Variants in PDCL3 observed in about 807,000 individuals in gnomAD.
PDCL3 encodes the protein phosducin-like protein 3.
PDCL3 carries 22 observed loss-of-function variants against 26.5 expected under a neutral mutation model. That is an observed-to-expected ratio of 0.83 (90% CI 0.59 to 1.19). PDCL3 has a LOEUF of 1.19. Ranked by LOEUF, PDCL3 falls within the 50% of genes most tolerant of loss-of-function variation. PDCL3 has a pLI of 0.00. For synonymous variants in PDCL3, 81 were observed against 104.9 expected (o/e 0.77, Z 1.39); for missense variants, 246 against 294.1 (o/e 0.84, Z 1.20).
chr2:100,572,888 ATTGT>A (rs992144637), intron 5 of PDCL3, among the ~76,000 whole-genome samples: 14 of 150,656 alleles, frequency 9.3e-5, no homozygotes, highest in Admixed American at 6.0e-4. Flanking sequence ...TTTTTGTTTG[ATTGT>A]TTGTTTTTTT....
At chr2:100,565,567 C>T (rs932234002) in intron 1 of PDCL3, among the ~76,000 whole-genome samples, 1 of 152,144 alleles carries the variant, frequency 6.6e-6, no homozygotes, top group Admixed American at 6.5e-5. Context: ...AGCCACCGTG[C>T]CCAGCCTGGA....
chr2:100,570,594 T>C (rs1195327796), intron 4 of PDCL3, among the ~76,000 whole-genome samples: 2 of 150,726 alleles, frequency 1.3e-5, no homozygotes, highest in African/African-American at 4.9e-5. Context: ...TTCTCCTGCC[T>C]CTGCTCCTGA....
intron 1 of PDCL3, among the ~76,000 whole-genome samples, chr2:100,566,248 C>T (rs1007514001): frequency 6.6e-6 from 1 of 152,140 alleles, no homozygotes; most frequent in African/African-American, 2.4e-5. Context: ...AAGTCAGAGC[C>T]TTGGTATCCG....
At chr2:100,566,277 C>T (rs1001250013) in intron 1 of PDCL3, among the ~76,000 whole-genome samples, 4 of 152,194 alleles carry the variant, frequency 2.6e-5, no homozygotes, top group African/African-American at 9.7e-5. Context: ...CTGATCTGCA[C>T]TCCCTATCCT....
At chr2:100,576,106 T>C (rs1263804859) in intron 5 of PDCL3, among the ~76,000 whole-genome samples, 1 of 152,112 alleles carries the variant, frequency 6.6e-6, no homozygotes. Context: ...GTTGAGACAG[T>C]CTCACTGCTG....
In PDCL3 at chr2:100,566,635, T is replaced by C; in HGVS notation, c.133+6T>C. Reference sequence around the variant, plus strand: ...CATCCTCCAGCAGTCAGTGGGTGAGTTCACTCGCTTTCCTCTGCACCTGTC... The same window carrying C: ...CATCCTCCAGCAGTCAGTGGGTGAGCTCACTCGCTTTCCTCTGCACCTGTC... On this transcript the variant is annotated splice_donor_region_variant and intron_variant, in intron 2 of 5. Transcript: ENST00000264254. 6.2e-7 allele frequency: 1 copy of C among 1,613,544 alleles called. No individual in the cohort carries two copies. The highest frequency in any genetic ancestry group is 8.5e-7 in the Non-Finnish European group (1 of 1,179,712).
At chr2:100,564,530 T>C (rs1028909171) in intron 1 of PDCL3, among the ~76,000 whole-genome samples, 3 of 152,064 alleles carry the variant, frequency 2.0e-5, no homozygotes, top group Admixed American at 6.5e-5. Flanking sequence ...TCTCCTGACC[T>C]GGTGATCTGC....
At chr2:100,573,631 C>T (rs1389193903) in intron 5 of PDCL3, among the ~76,000 whole-genome samples, 1 of 150,784 alleles carries the variant, frequency 6.6e-6, no homozygotes, top group Non-Finnish European at 1.5e-5. Flanking sequence ...CAAGATCATG[C>T]CATTGCACTC....
intron 5 of PDCL3, 122 bp downstream of exon 5, chr2:100,571,920 G>GAGTGACTGTGTATC: frequency 1.1e-6 from 1 of 892,298 alleles, no homozygotes; most frequent in Non-Finnish European, 1.8e-6. Flanking sequence ...GCCTGTGTAT[G>GAGTGACTGTGTATC]AGGACGGAAG....
At chr2:100,575,221 C>T (rs893267644) in intron 5 of PDCL3, among the ~76,000 whole-genome samples, 15 of 152,110 alleles carry the variant, frequency 9.9e-5, no homozygotes, top group East Asian at 3.9e-4. Flanking sequence ...CTGCAAGCTC[C>T]GCCTCCCACG....
chr2:100,576,502 C>CT lies in PDCL3; in HGVS notation c.*6_*7insT. The CT allele has an allele frequency of 1.3e-6, 2 of 1,568,444 alleles. No homozygotes were observed. The highest frequency in any genetic ancestry group is 1.7e-6 in the Non-Finnish European group (2 of 1,156,394). ...GCGATTCCGAGGGTGACTGAGGCTA[C>CT]AGCTTCTATCACATGCCGAACTTTC... On this transcript the variant is annotated 3_prime_UTR_variant, in exon 6 of 6. Coordinates refer to ENST00000264254, the MANE Select transcript of PDCL3 (RefSeq NM_024065.5).
At chr2:100,570,058 C>T (rs1283298567) in intron 4 of PDCL3, among the ~76,000 whole-genome samples, 7 of 151,968 alleles carry the variant, frequency 4.6e-5, no homozygotes, top group South Asian at 2.1e-4. Context: ...TGCAGTGAGC[C>T]GAGATTGCGC....
At chr2:100,564,013 G>A (rs920989532) in intron 1 of PDCL3, among the ~76,000 whole-genome samples, 13 of 150,868 alleles carry the variant, frequency 8.6e-5, no homozygotes, top group African/African-American at 3.2e-4. Flanking sequence ...CCGGGGCTAA[G>A]CCATCCTCCC....
chr2:100,563,179 A>G, intron 1 of PDCL3, 106 bp downstream of exon 1: 1 of 1,419,192 alleles, frequency 7.0e-7, no homozygotes, highest in Non-Finnish European at 9.5e-7. Context: ...CCGGCGCCGC[A>G]GGCACGAGGG....
At chr2:100,575,352 G>A (rs189661408) in intron 5 of PDCL3, among the ~76,000 whole-genome samples, 76 of 152,218 alleles carry the variant, frequency 5.0e-4, no homozygotes, top group East Asian at 4.5e-3. Flanking sequence ...AGCCAGGATG[G>A]TCTCGATCTC....
In PDCL3 at chr2:100,571,596, C is replaced by T. The variant is rs1675169057; in HGVS notation, c.375C>T (p.Pro125=). 1 of 1,612,478 alleles carries T rather than the reference C, an allele frequency of 6.2e-7. No individual in the cohort carries two copies. ...TTCTATGTGTGTTTTATAGAATTCCCCTCTGTGCCCTGATAAATCAGCACC... is the reference window on the plus strand; with the variant it reads ...TTCTATGTGTGTTTTATAGAATTCCTCTCTGTGCCCTGATAAATCAGCACC... The part of the protein sequence containing the change: ...VILHLYKQGI[P]LCALINQHLS... The change falls in exon 5 of 6, where the codon CCC becomes CCT. Residue 125 remains proline, a synonymous_variant. Coordinates refer to ENST00000264254, the MANE Select transcript of PDCL3 (RefSeq NM_024065.5).
At chr2:100,572,212 CTTAG>C (rs1343271840) in intron 5 of PDCL3, among the ~76,000 whole-genome samples, 2 of 152,012 alleles carry the variant, frequency 1.3e-5, no homozygotes, top group South Asian at 2.1e-4. Flanking sequence ...CATTTATTTA[CTTAG>C]TTATTTATTT....
At chr2:100,564,923 G>C (rs1347888210) in intron 1 of PDCL3, among the ~76,000 whole-genome samples, 1 of 152,154 alleles carries the variant, frequency 6.6e-6, no homozygotes, top group African/African-American at 2.4e-5. Context: ...ACAAGAAAAA[G>C]GGCTTAGAGT....
chr2:100,572,501 T>C (rs1268039362), intron 5 of PDCL3, among the ~76,000 whole-genome samples: 1 of 151,498 alleles, frequency 6.6e-6, no homozygotes, highest in African/African-American at 2.4e-5. Context: ...CGTGAGCCAC[T>C]GCGCCCGGCT....
Sources: allele counts gnomAD v4.1 joint callset (sites outside exome capture counted in the v4.1 genomes callset), GRCh38; gene constraint gnomAD v4.1.1; transcripts MANE v1.5; gene names NCBI Gene and HGNC (gene_info 2026-07-23, HGNC 2026-07-21).